The following KCTD8 variants were observed in gnomAD, a reference collection of about 807,000 sequenced individuals.
The protein encoded by KCTD8 is potassium channel tetramerization domain containing 8.
Under a neutral mutation model 31.5 loss-of-function variants are expected in KCTD8, and 27 were observed. The observed-to-expected ratio is 0.86, with a 90% CI of 0.63 to 1.18. The LOEUF (loss-of-function observed/expected upper bound fraction) is 1.18, where lower values mean the gene tolerates loss of function less well. Among genes scored for constraint, KCTD8 ranks in the 50% most tolerant of loss-of-function variants. The pLI is 0.00. For missense variants in KCTD8, 658 were observed against 647.7 expected (o/e 1.02, Z -0.17); for synonymous variants, 290 against 280.0 (o/e 1.04, Z -0.36).
intron 1 of KCTD8, among the ~76,000 whole-genome samples, chr4:44,382,646 T>G (rs1720100140): frequency 6.6e-6 from 1 of 151,616 alleles, no homozygotes; most frequent in Middle Eastern, 3.4e-3. Flanking sequence ...AGAAGAATCG[T>G]TTGAACTCGG....
intron 1 of KCTD8, among the ~76,000 whole-genome samples, chr4:44,382,944 T>C (rs144856581): frequency 1.3e-5 from 2 of 151,860 alleles, no homozygotes; most frequent in African/African-American, 4.8e-5. Flanking sequence ...TTACAACTGA[T>C]AAATTTAATC....
rs188077345 is a variant in KCTD8 at position 44,242,345 on chromosome 4, G to T, written c.962-67095C>A. On this transcript the variant is annotated intron_variant, in intron 1 of 1. Transcript: ENST00000360029. Reference sequence around the variant, plus strand: ...TGTAATCCCAGCACTTTGGGAGGCCGACGCAGGCGGATCACGAGGTCAGGA... The same window carrying T: ...TGTAATCCCAGCACTTTGGGAGGCCTACGCAGGCGGATCACGAGGTCAGGA... Among the ~76,000 whole-genome samples the T allele has an allele frequency of 1.2e-3, 189 of 152,246 alleles. No homozygotes were observed. The Middle Eastern group carries it at 0.014, about 11-fold the overall frequency.
chr4:44,432,233 T>A (rs1463335106), intron 1 of KCTD8, among the ~76,000 whole-genome samples: 5 of 151,644 alleles, frequency 3.3e-5, no homozygotes, highest in African/African-American at 1.2e-4. Context: ...GTAAAAAAAA[T>A]TATTTATATC....
chr4:44,189,113 TTAAAA>T (rs1378996515), intron 1 of KCTD8, among the ~76,000 whole-genome samples: 1 of 152,212 alleles, frequency 6.6e-6, no homozygotes, highest in African/African-American at 2.4e-5. Flanking sequence ...AACTGTTCTA[TTAAAA>T]TAAAATATTT....
At chr4:44,314,608 T>G (rs1260045052) in intron 1 of KCTD8, among the ~76,000 whole-genome samples, 1 of 152,132 alleles carries the variant, frequency 6.6e-6, no homozygotes, top group Non-Finnish European at 1.5e-5. Context: ...AACATTTTTA[T>G]GGATATCTCA....
chr4:44,274,218 G>A (rs998318836), intron 1 of KCTD8, among the ~76,000 whole-genome samples: 1 of 151,866 alleles, frequency 6.6e-6, no homozygotes, highest in Non-Finnish European at 1.5e-5. Context: ...AATTTAGGGA[G>A]ATTTAACTTT....
At chr4:44,231,321 C>A (rs1365882573) in intron 1 of KCTD8, among the ~76,000 whole-genome samples, 2 of 152,026 alleles carry the variant, frequency 1.3e-5, no homozygotes, top group African/African-American at 4.8e-5. Context: ...TATGGAAAAT[C>A]AATTCAGAAT....
intron 1 of KCTD8, among the ~76,000 whole-genome samples, chr4:44,218,593 T>C (rs1366688757): frequency 1.3e-5 from 2 of 148,356 alleles, no homozygotes; most frequent in Non-Finnish European, 3.0e-5. Flanking sequence ...TAAATATATA[T>C]AGATATATAT....
At chr4:44,262,465 T>C (rs1335200051) in intron 1 of KCTD8, among the ~76,000 whole-genome samples, 1 of 152,036 alleles carries the variant, frequency 6.6e-6, no homozygotes, top group Non-Finnish European at 1.5e-5. Flanking sequence ...TAAAAATATA[T>C]AAGGACATAT....
intron 1 of KCTD8, among the ~76,000 whole-genome samples, chr4:44,422,704 A>C (rs1721244618): frequency 6.6e-6 from 1 of 152,076 alleles, no homozygotes. Context: ...TAGATGGTTT[A>C]ATTTGAACTA....
intron 1 of KCTD8, among the ~76,000 whole-genome samples, chr4:44,290,519 T>A (rs966891934): frequency 5.9e-5 from 9 of 152,200 alleles, no homozygotes; most frequent in Admixed American, 5.9e-4. Flanking sequence ...ATTCTTCTCA[T>A]CTGCACCCAG....
chr4:44,358,500 C>T (rs1322120247), intron 1 of KCTD8, among the ~76,000 whole-genome samples: 1 of 152,138 alleles, frequency 6.6e-6, no homozygotes, highest in Admixed American at 6.5e-5. Context: ...AACTAATTTA[C>T]ACTCCCACCA....
chr4:44,361,903 A>C (rs1182837212), intron 1 of KCTD8, among the ~76,000 whole-genome samples: 2 of 152,116 alleles, frequency 1.3e-5, no homozygotes, highest in Admixed American at 6.6e-5. Context: ...GGTAACTATT[A>C]TCCAAAGCAA....
chr4:44,237,655 TACTCTAAA>T (rs1312490780), intron 1 of KCTD8, among the ~76,000 whole-genome samples: 2 of 152,232 alleles, frequency 1.3e-5, no homozygotes, highest in Non-Finnish European at 2.9e-5. Flanking sequence ...GTTATTACCA[TACTCTAAA>T]AAGAAGTCCA....
At chr4:44,247,224 T>C (rs898172052) in intron 1 of KCTD8, among the ~76,000 whole-genome samples, 1 of 151,992 alleles carries the variant, frequency 6.6e-6, no homozygotes, top group Admixed American at 6.6e-5. Flanking sequence ...TATTTCTGTA[T>C]TCCTTATCTC....
intron 1 of KCTD8, among the ~76,000 whole-genome samples, chr4:44,394,211 G>C (rs1458837667): frequency 6.6e-6 from 1 of 151,994 alleles, no homozygotes; most frequent in African/African-American, 2.4e-5. Flanking sequence ...GCAAGCACTA[G>C]AAGCTTTCAC....
intron 1 of KCTD8, among the ~76,000 whole-genome samples, chr4:44,387,693 TTACACCATA>T (rs1445408199): frequency 2.0e-5 from 3 of 151,992 alleles, no homozygotes; most frequent in African/African-American, 7.2e-5. Context: ...GACTCCTTCC[TTACACCATA>T]TACAAAAATT....
chr4:44,367,939 G>C (rs1324392808), intron 1 of KCTD8, among the ~76,000 whole-genome samples: 4 of 151,810 alleles, frequency 2.6e-5, no homozygotes, highest in Non-Finnish European at 5.9e-5. Flanking sequence ...TCTTTTGTTT[G>C]CTTTATCAAG....
chr4:44,446,920 G>T (rs1006636846), intron 1 of KCTD8, among the ~76,000 whole-genome samples: 2 of 152,146 alleles, frequency 1.3e-5, no homozygotes, highest in Non-Finnish European at 2.9e-5. Context: ...CAGACGCAGG[G>T]AAATCTGGGT....
Sources: gnomAD v4.1 joint callset for allele counts (sites outside exome capture counted in the v4.1 genomes callset) on GRCh38, gnomAD v4.1.1 for gene constraint, MANE v1.5 for transcripts, NCBI Gene and HGNC (gene_info 2026-07-23, HGNC 2026-07-21) for gene names.